NOX4: variants seen among roughly 807,000 people sequenced by gnomAD.
NOX4 encodes the protein kidney oxidase-1.
NOX4 carries 69 observed loss-of-function variants against 87.6 expected under a neutral mutation model. The observed-to-expected ratio is 0.79, with a 90% confidence interval of 0.65 to 0.96. NOX4 has a LOEUF of 0.96. Ranked by LOEUF, NOX4 falls within the 40% of genes least tolerant of loss-of-function variation. NOX4 has a pLI of 0.00. For missense variants in NOX4, 680 were observed against 681.5 expected (o/e 1.00, Z 0.02); for synonymous variants, 275 against 238.2 (o/e 1.15, Z -1.42).
At chr11:89,545,970 C>A in the NOX4 span, among the ~76,000 whole-genome samples, 2 of 152,132 alleles carry the variant, frequency 1.3e-5, no homozygotes, top group Admixed American at 1.3e-4. Flanking sequence ...ACGCCTATTA[C>A]TTCATTTTTG....
At chr11:89,421,761 A>G in intron 8 of NOX4, 141 bp downstream of exon 8, 1 of 532,664 alleles carries the variant, frequency 1.9e-6, no homozygotes, top group East Asian at 3.4e-5. Flanking sequence ...TCCATTCTTG[A>G]CGTTATCCTC....
At chr11:89,575,478 T>G in the NOX4 span, among the ~76,000 whole-genome samples, 1 of 152,322 alleles carries the variant, frequency 6.6e-6, no homozygotes, top group African/African-American at 2.4e-5. Context: ...TAAAATAATC[T>G]GACAATTTAA....
intron 11 of NOX4, among the ~76,000 whole-genome samples, chr11:89,391,106 A>T (rs1941089664): frequency 6.6e-6 from 1 of 152,138 alleles, no homozygotes; most frequent in Non-Finnish European, 1.5e-5. Flanking sequence ...ATATGCATTG[A>T]TTATGCACCA....
chr11:89,578,476 C>A, the NOX4 span, among the ~76,000 whole-genome samples: 1 of 152,148 alleles, frequency 6.6e-6, no homozygotes, highest in Non-Finnish European at 1.5e-5. Flanking sequence ...CTATTTAAAT[C>A]ATTTCTAATA....
the NOX4 span, among the ~76,000 whole-genome samples, chr11:89,528,589 T>C: frequency 2.0e-5 from 3 of 152,312 alleles, no homozygotes; most frequent in Non-Finnish European, 1.5e-5. Context: ...TGAGATCTGA[T>C]GGTTTTATAA....
chr11:89,360,167 A>G (rs1196291952), intron 12 of NOX4, among the ~76,000 whole-genome samples: 3 of 152,050 alleles, frequency 2.0e-5, no homozygotes, highest in African/African-American at 7.2e-5. Context: ...ATTATTTCAC[A>G]TTGTTTTGGC....
At chr11:89,502,920 A>G (rs1273448615), upstream of NOX4, among the ~76,000 whole-genome samples, 1 of 152,046 alleles carries the variant, frequency 6.6e-6, no homozygotes, top group Non-Finnish European at 1.5e-5. Context: ...AAAAATGAAC[A>G]CAATTCTTTT....
At chr11:89,518,691 C>T in the NOX4 span, among the ~76,000 whole-genome samples, 1 of 151,786 alleles carries the variant, frequency 6.6e-6, no homozygotes, top group Non-Finnish European at 1.5e-5. Flanking sequence ...ATTGGATAAT[C>T]CAATACTGAT....
At chr11:89,587,698 T>A in the NOX4 span, among the ~76,000 whole-genome samples, 1 of 152,178 alleles carries the variant, frequency 6.6e-6, no homozygotes, top group African/African-American at 2.4e-5. Context: ...TTTATAATAG[T>A]TAAAAATGGT....
At chr11:89,560,961 C>CATCTCTCT in the NOX4 span, among the ~76,000 whole-genome samples, 1,522 of 52,460 alleles carry the variant, frequency 0.029, 277 homozygotes, top group African/African-American at 0.068. Context: ...CATCTCATCT[C>CATCTCTCT]GTCTCTCTCT....
chr11:89,472,206 G>T (rs571489946), intron 2 of NOX4, among the ~76,000 whole-genome samples: 6 of 152,140 alleles, frequency 3.9e-5, no homozygotes, highest in East Asian at 1.9e-4. Flanking sequence ...TGTTCTTGGG[G>T]TATAACCAAA....
At chr11:89,419,427 T>A (rs931779482) in intron 8 of NOX4, among the ~76,000 whole-genome samples, 2 of 151,976 alleles carry the variant, frequency 1.3e-5, no homozygotes, top group Admixed American at 1.3e-4. Context: ...GTATAGTTTT[T>A]TTTTAATTTT....
intron 7 of NOX4, among the ~76,000 whole-genome samples, chr11:89,422,190 G>A (rs781203764): frequency 4.6e-5 from 7 of 152,010 alleles, no homozygotes; most frequent in Non-Finnish European, 7.4e-5. Context: ...CATTTTGTAA[G>A]TTCTTTGTAT....
chr11:89,336,164 T>TAAAA, intron 16 of NOX4: 1 of 355,666 alleles, frequency 2.8e-6, no homozygotes, highest in East Asian at 4.5e-5. Flanking sequence ...TGTTTGTTTT[T>TAAAA]AAACAAACAA....
At chr11:89,457,308 T>C (rs1284339140) in intron 2 of NOX4, among the ~76,000 whole-genome samples, 1 of 152,138 alleles carries the variant, frequency 6.6e-6, no homozygotes. Flanking sequence ...ACAGCACAAA[T>C]GTGTACATGG....
intron 2 of NOX4, among the ~76,000 whole-genome samples, chr11:89,454,636 G>A (rs1172920170): frequency 6.6e-6 from 1 of 151,994 alleles, no homozygotes; most frequent in Non-Finnish European, 1.5e-5. Flanking sequence ...TTTAAAAATA[G>A]CATTTTTATA....
the NOX4 span, among the ~76,000 whole-genome samples, chr11:89,512,882 A>G: frequency 6.6e-6 from 1 of 152,070 alleles, no homozygotes; most frequent in Non-Finnish European, 1.5e-5. Flanking sequence ...TCAGAGTAGG[A>G]TTCTATCTTG....
intron 6 of NOX4, among the ~76,000 whole-genome samples, chr11:89,436,065 A>G (rs1038472404): frequency 2.0e-5 from 3 of 152,190 alleles, no homozygotes; most frequent in Non-Finnish European, 4.4e-5. Flanking sequence ...TGCATCAAAT[A>G]AAAGAGTTAA....
At chr11:89,531,903 A>AG in the NOX4 span, among the ~76,000 whole-genome samples, 1 of 152,358 alleles carries the variant, frequency 6.6e-6, no homozygotes, top group East Asian at 1.9e-4. Context: ...CATGGCTAAA[A>AG]GGGGCCAAGG....
Sources: gnomAD v4.1 joint callset for allele counts (sites outside exome capture counted in the v4.1 genomes callset) on GRCh38, gnomAD v4.1.1 for gene constraint, MANE v1.5 for transcripts, NCBI Gene and HGNC (gene_info 2026-07-23, HGNC 2026-07-21) for gene names.